Variants in SUCLG2 observed in about 807,000 individuals in gnomAD.
SUCLG2 encodes succinate-CoA ligase GDP-forming subunit beta.
A neutral mutation model predicts 47.9 loss-of-function variants in SUCLG2; 42 were observed. That is an observed-to-expected ratio of 0.88 (90% CI 0.69 to 1.14). The LOEUF is 1.14. Ranked by LOEUF, SUCLG2 falls within the 50% of genes most tolerant of loss-of-function variation. SUCLG2 has a pLI of 0.00. For synonymous variants in SUCLG2, 195 were observed against 197.3 expected (o/e 0.99, Z 0.10); for missense variants, 571 against 525.9 (o/e 1.09, Z -0.84).
At chr3:67,590,919 T>A (rs1026653754) in intron 2 of SUCLG2, among the ~76,000 whole-genome samples, 3 of 152,092 alleles carry the variant, frequency 2.0e-5, no homozygotes, top group South Asian at 2.1e-4. Context: ...GAGAGAGAGT[T>A]CTTTAACAAA....
chr3:67,365,917 A>C (rs561962245), intron 10 of SUCLG2, among the ~76,000 whole-genome samples: 2 of 152,244 alleles, frequency 1.3e-5, no homozygotes, highest in Non-Finnish European at 2.9e-5. Context: ...AACATGAATC[A>C]ATCCCCTTAA....
At chr3:67,396,477 A>G (rs979102541) in intron 10 of SUCLG2, among the ~76,000 whole-genome samples, 1 of 152,204 alleles carries the variant, frequency 6.6e-6, no homozygotes, top group Non-Finnish European at 1.5e-5. Flanking sequence ...ACCAGGAAGA[A>G]GTTGAATCTC....
At chr3:67,391,852 TG>T (rs1180128179) in intron 10 of SUCLG2, among the ~76,000 whole-genome samples, 2 of 152,132 alleles carry the variant, frequency 1.3e-5, no homozygotes, top group African/African-American at 4.8e-5. Context: ...GTTTCCAACG[TG>T]TGTTCTGTAC....
At chr3:67,650,835 A>G (rs956131620) in intron 1 of SUCLG2, among the ~76,000 whole-genome samples, 14 of 152,294 alleles carry the variant, frequency 9.2e-5, no homozygotes, top group African/African-American at 1.7e-4. Context: ...CCACTAGCCA[A>G]AGAGAGGGGA....
intron 9 of SUCLG2, among the ~76,000 whole-genome samples, chr3:67,413,929 A>G (rs1559517303): frequency 6.6e-6 from 1 of 152,210 alleles, no homozygotes; most frequent in African/African-American, 2.4e-5. Flanking sequence ...TCTCATGAAC[A>G]TGTATTTTCC....
chr3:67,623,297 G>A (rs945630807), intron 1 of SUCLG2, among the ~76,000 whole-genome samples: 8 of 152,060 alleles, frequency 5.3e-5, no homozygotes, highest in African/African-American at 7.2e-5. Context: ...TCAGGACATC[G>A]AGACCATACT....
chr3:67,435,842 G>C (rs1280043091), intron 9 of SUCLG2, among the ~76,000 whole-genome samples: 2 of 152,042 alleles, frequency 1.3e-5, no homozygotes, highest in Non-Finnish European at 2.9e-5. Flanking sequence ...TAGCTAAATG[G>C]AATTTCCACT....
chr3:67,601,620 G>A (rs1185737471), intron 2 of SUCLG2, among the ~76,000 whole-genome samples: 1 of 152,062 alleles, frequency 6.6e-6, no homozygotes, highest in East Asian at 1.9e-4. Context: ...GGAAAGTCCT[G>A]GAAAATGAGA....
chr3:67,432,933 T>C (rs946165486), intron 9 of SUCLG2, among the ~76,000 whole-genome samples: 4 of 152,228 alleles, frequency 2.6e-5, no homozygotes, highest in African/African-American at 9.6e-5. Context: ...CCATACTCTT[T>C]TATTGGATTG....
At chr3:67,490,402 C>G (rs1705175934) in intron 9 of SUCLG2, among the ~76,000 whole-genome samples, 1 of 152,092 alleles carries the variant, frequency 6.6e-6, no homozygotes, top group Non-Finnish European at 1.5e-5. Context: ...AAACATATAC[C>G]ATAGAGCACA....
chr3:67,440,559 G>C (rs1703735046), intron 9 of SUCLG2, among the ~76,000 whole-genome samples: 4 of 152,128 alleles, frequency 2.6e-5, no homozygotes, highest in Non-Finnish European at 5.9e-5. Context: ...CCATCAAAAA[G>C]TGGGTGAAGG....
chr3:67,504,588 G>C (rs962314742), intron 7 of SUCLG2, among the ~76,000 whole-genome samples: 9 of 152,142 alleles, frequency 5.9e-5, no homozygotes, highest in Admixed American at 5.9e-4. Context: ...GGACAGATTG[G>C]GTGAGGTCGT....
intron 2 of SUCLG2, among the ~76,000 whole-genome samples, chr3:67,570,046 A>T (rs1405666814): frequency 1.3e-5 from 2 of 152,190 alleles, no homozygotes; most frequent in African/African-American, 4.8e-5. Context: ...CTAATCCAAT[A>T]CGATGATGAT....
chr3:67,420,655 TG>T (rs1021270001), intron 9 of SUCLG2, among the ~76,000 whole-genome samples: 10 of 152,182 alleles, frequency 6.6e-5, no homozygotes, highest in African/African-American at 2.4e-4. Context: ...TCCTACAACA[TG>T]ACTTACAGAC....
At chr3:67,507,264 T>C (rs964190286) in intron 7 of SUCLG2, among the ~76,000 whole-genome samples, 9 of 152,210 alleles carry the variant, frequency 5.9e-5, no homozygotes, top group African/African-American at 2.2e-4. Flanking sequence ...CAGATTTCTA[T>C]CGGATGGTCA....
At position 67,374,779 on chromosome 3, in the gene SUCLG2, A is replaced by C. The variant is rs1208382006; in HGVS notation, c.*965T>G. ...TATAGATAAAAATCTACCAAAATTT[A>C]AACAAAAATTTTATCCAAATCCTTT... On this transcript the variant is annotated 3_prime_UTR_variant, in exon 11 of 11. Transcript: ENST00000307227. 1 of 975,170 alleles carries C rather than the reference A, an allele frequency of 1.0e-6. No individual in the cohort carries two copies. The highest frequency in any genetic ancestry group is 1.2e-6 in the Non-Finnish European group (1 of 820,802). 60.4% of individuals were successfully genotyped at this position (975,170 alleles called of 1,614,324 possible).
intron 10 of SUCLG2, among the ~76,000 whole-genome samples, chr3:67,382,803 T>C (rs942855545): frequency 2.0e-5 from 3 of 152,264 alleles, no homozygotes; most frequent in African/African-American, 7.2e-5. Context: ...GCCCCTCTGC[T>C]GGAAGTAACT....
chr3:67,639,317 T>C (rs2107365903), intron 1 of SUCLG2, among the ~76,000 whole-genome samples: 1 of 152,156 alleles, frequency 6.6e-6, no homozygotes, highest in South Asian at 2.1e-4. Context: ...ATGATATTGA[T>C]ACTTAAACAT....
chr3:67,470,180 T>A (rs59659571), intron 9 of SUCLG2, among the ~76,000 whole-genome samples: 5,776 of 152,238 alleles, frequency 0.038, 255 homozygotes, highest in African/African-American at 0.11. Flanking sequence ...TAACTAACTT[T>A]AATAAACTAA....
Sources: gnomAD v4.1 joint callset for allele counts (sites outside exome capture counted in the v4.1 genomes callset) on GRCh38, gnomAD v4.1.1 for gene constraint, MANE v1.5 for transcripts, NCBI Gene and HGNC (gene_info 2026-07-23, HGNC 2026-07-21) for gene names.